Variants in NOC2L observed in about 807,000 individuals in gnomAD.
NOC2L encodes NOC2 like nucleolar associated transcriptional repressor, also known as nucleolar complex protein 2 homolog.
NOC2L carries 101 observed loss-of-function variants against 94.2 expected under a neutral mutation model. The ratio of observed to expected loss-of-function variants is 1.07; its 90% CI spans 0.91 to 1.26. The LOEUF (loss-of-function observed/expected upper bound fraction) is 1.26. NOC2L is among the 50% of genes most tolerant of loss of function. The pLI, the probability that NOC2L is intolerant of heterozygous loss-of-function variation, is 0.00. For synonymous variants in NOC2L, 531 were observed against 413.4 expected (o/e 1.28, Z -3.45); for missense variants, 1,076 against 980.1 (o/e 1.10, Z -1.31).
At position 944,892 on chromosome 1, in the gene NOC2L, A is replaced by G. The variant is rs932789828; in HGVS notation, c.2144-92T>C. ...TCATCACTAATTAATCACGGCACTA[A>G]TTAATTTATCCCTGTTGCTGGCTGC... On this transcript the variant is annotated intron_variant, in intron 18 of 18. Coordinates refer to ENST00000327044, the MANE Select transcript of NOC2L (RefSeq NM_015658.4). The G allele has an allele frequency of 6.7e-6, 9 of 1,347,804 alleles. No individual in the cohort carries two copies. The African/African-American group carries it at 1.2e-4, about 17-fold the overall frequency. The allele number at this position is 1,347,804 out of a possible 1,614,324, so 83.5% of individuals were successfully genotyped here. A position where few individuals can be genotyped will look rare whatever the true frequency, so the allele number is the denominator to read the frequency against.
At chr1:955,330 G>A (rs1261900951) in intron 6 of NOC2L, among the ~76,000 whole-genome samples, 6 of 152,216 alleles carry the variant, frequency 3.9e-5, no homozygotes, top group Non-Finnish European at 8.8e-5. Flanking sequence ...GGTGTCCTGG[G>A]GCAGTTCCAA....
intron 2 of NOC2L, chr1:958,565 A>T: frequency 2.2e-6 from 1 of 453,668 alleles, no homozygotes; most frequent in Non-Finnish European, 4.3e-6. Flanking sequence ...TCCTTCTAAC[A>T]GAGCAACTCG....
intron 16 of NOC2L, among the ~76,000 whole-genome samples, 189 bp from the exon 17 acceptor site, chr1:945,842 C>A (rs1642092134): frequency 6.6e-6 from 1 of 152,240 alleles, no homozygotes; most frequent in African/African-American, 2.4e-5. Context: ...AGAGCCCTTC[C>A]TGCTTCTCCT....
intron 12 of NOC2L, 125 bp from the exon 13 acceptor site, chr1:948,728 T>TCCCCCTGGTCCCTTTGG: frequency 1.5e-6 from 1 of 665,856 alleles, no homozygotes. Flanking sequence ...GTCACCCTGG[T>TCCCCCTGGTCCCTTTGG]CCTCAGGCTT....
At chr1:945,378 C>T in intron 17 of NOC2L, 140 bp downstream of exon 17, 1 of 1,111,302 alleles carries the variant, frequency 9.0e-7, no homozygotes, top group Admixed American at 2.6e-5. Context: ...AGAAGCCTGG[C>T]AACACTGAGG....
chr1:953,919 C>G, intron 7 of NOC2L, 27 bp from the exon 8 acceptor site: 1 of 1,610,530 alleles, frequency 6.2e-7, no homozygotes, highest in Non-Finnish European at 8.5e-7. Context: ...ACAGTGAAGC[C>G]CCAAACCCAT....
chr1:956,931 G>A lies in NOC2L; in HGVS notation c.449C>T (p.Thr150Ile), dbSNP rs1171558420. Residue 150 changes from threonine (T) to isoleucine (I), a missense_variant, in exon 4 of 19, where the codon ACC becomes ATC. Physicochemically the swap from Thr to Ile is moderately conservative, Grantham distance 89. Transcript: ENST00000327044. ...LKGKKNSVPV[T>I]VAMVERWKQA... ...CTTCCATCTCTCAACCATGGCGACG[G>A]TCACAGGAACAGAATTCTTCTTCCC... 6.2e-6 allele frequency: 10 copies of A among 1,613,988 alleles called. No homozygotes were observed. Among genetic ancestry groups the A allele is most frequent in the South Asian group, 1.1e-5 (1 of 91,088 alleles).
In NOC2L at chr1:945,569, A is replaced by G; in HGVS notation, c.2002T>C (p.Phe668Leu). 1.9e-6 allele frequency: 3 copies of G among 1,614,118 alleles called. No homozygotes were observed. Among genetic ancestry groups the G allele is most frequent in the East Asian group, 2.2e-5 (1 of 44,878 alleles). The change falls in exon 17 of 19, where the codon TTT (phenylalanine) becomes CTT (leucine). Residue 668 changes from phenylalanine (F) to leucine (L), a missense_variant. Phe to Leu is a conservative substitution (Grantham distance 22). Around this residue, in one of 3 missense-constraint regions of NOC2L, gnomAD observed 615 missense variants for 577.4 expected, o/e 1.07. Coordinates refer to ENST00000327044, the MANE Select transcript of NOC2L (RefSeq NM_015658.4). ...DEDRKQFKDLFDLNSSEEDDT... is the reference protein window; with the variant it reads ...DEDRKQFKDLLDLNSSEEDDT... ...TCCTCTTCAGAGCTGTTCAGGTCAA[A>G]GAGGTCTTTAAATTGCTTCCTGTCC...
rs1642328115 is a variant in NOC2L, at chr1:953,883, A to G, written c.787T>C (p.Cys263Arg). The G allele has an allele frequency of 6.2e-7, 1 of 1,613,188 alleles. No individual in the cohort carries two copies. Among genetic ancestry groups the G allele is most frequent in the Non-Finnish European group, 8.5e-7 (1 of 1,179,950 alleles). Reference protein sequence around the residue: ...YLGSAIQLVSCLSETTVLAAV... With the variant: ...YLGSAIQLVSRLSETTVLAAV... ...GCCAACACCGTCGTCTCCGACAGACAGGACACCAGCTGGGGGCAGGAGGGG... is the reference window on the plus strand; with the variant it reads ...GCCAACACCGTCGTCTCCGACAGACGGGACACCAGCTGGGGGCAGGAGGGG... Residue 263 changes from cysteine to arginine, a missense_variant, in exon 8 of 19, where the codon TGT becomes CGT. Around this residue, in one of 3 missense-constraint regions of NOC2L, gnomAD observed 457 missense variants for 386.0 expected, o/e 1.18. Transcript: ENST00000327044.
intron 2 of NOC2L, chr1:957,570 C>A (rs1208535198): frequency 2.7e-6 from 1 of 376,178 alleles, no homozygotes; most frequent in East Asian, 4.7e-5. Context: ...GTGCCCTGCG[C>A]TACTTTTGCC....
intron 11 of NOC2L, among the ~76,000 whole-genome samples, chr1:951,519 C>T (rs1359877629): frequency 6.6e-6 from 1 of 152,214 alleles, no homozygotes; most frequent in Non-Finnish European, 1.5e-5. Flanking sequence ...GGACTTCCCA[C>T]CTCCCTTCCC....
chr1:946,263 C>G lies in NOC2L; in HGVS notation c.1827G>C (p.Arg609=). ...QAVEAWEKLT[R]EEGTPLTLYY... ...ACAAGGTCAGGGGTGTCCCCTCTTCCCGGGTCAGCTTCTCCCAGGCTTCCT... is the reference window on the plus strand; with the variant it reads ...ACAAGGTCAGGGGTGTCCCCTCTTCGCGGGTCAGCTTCTCCCAGGCTTCCT... Residue 609 remains arginine (R), a synonymous_variant, in exon 16 of 19, where the codon CGG becomes CGC. Transcript: ENST00000327044. 5.6e-6 allele frequency: 9 copies of G among 1,613,738 alleles called. No homozygotes were observed. The highest frequency in any genetic ancestry group is 7.6e-6 in the Non-Finnish European group (9 of 1,179,806).
rs941607661 is a variant in NOC2L, at chr1:956,804, C to G, written c.486+90G>C. 8.3e-6 allele frequency: 13 copies of G among 1,566,186 alleles called. No individual in the cohort carries two copies. In the African/African-American group the frequency reaches 1.6e-4, roughly 19 times the overall value. On this transcript the variant is annotated intron_variant, in intron 4 of 18. Coordinates refer to ENST00000327044, the MANE Select transcript of NOC2L (RefSeq NM_015658.4). The stretch of plus-strand genomic sequence containing the variant: ...GCCAGATCTCTGCCTGGGCACCCAG[C>G]TGCCCGCCCCTCGCTGCTGCTCACC...
chr1:946,638 G>T (rs1642126423), intron 14 of NOC2L, 93 bp from the exon 15 acceptor site: 3 of 1,469,752 alleles, frequency 2.0e-6, no homozygotes, highest in Non-Finnish European at 2.8e-6. Context: ...TGGTGGCCAC[G>T]GGGATACCCC....
At chr1:949,316 C>A (rs901296035) in intron 12 of NOC2L, among the ~76,000 whole-genome samples, 1 of 152,290 alleles carries the variant, frequency 6.6e-6, no homozygotes, top group Admixed American at 6.5e-5. Context: ...GTGGAGGCCC[C>A]AGCAAGACAC....
At position 958,884 on chromosome 1, in the gene NOC2L, G is replaced by C. The variant is rs756484029; in HGVS notation, c.179+45C>G. The C allele has an allele frequency of 3.7e-6, 6 of 1,610,148 alleles. No individual in the cohort carries two copies. The South Asian group carries it at 6.6e-5, about 18-fold the overall frequency. ...CGAGGTCAGCAACCCAACCGGGGTG[G>C]GACAGGACGAGCAAGAGGTTCTGCT... On this transcript the variant is annotated intron_variant, in intron 2 of 18. Coordinates refer to ENST00000327044, the MANE Select transcript of NOC2L (RefSeq NM_015658.4).
Position 945,155 on chromosome 1 carries a change from C to T in NOC2L, c.2054-9G>A, listed in dbSNP as rs756297725. 4 of 1,592,800 alleles carry T rather than the reference C, an allele frequency of 2.5e-6. No individual in the cohort carries two copies. The highest frequency in any genetic ancestry group is 3.4e-6 in the Non-Finnish European group (4 of 1,169,396). On this transcript the variant is annotated splice_polypyrimidine_tract_variant and intron_variant, in intron 17 of 18. Transcript: ENST00000327044. ...CAGGGGCCTCAGTATCCCTGAGGAACAAGAAGCAGAGTCCATATGACTCCC... is the reference window on the plus strand; with the variant it reads ...CAGGGGCCTCAGTATCCCTGAGGAATAAGAAGCAGAGTCCATATGACTCCC...
Position 944,488 on chromosome 1 carries a change from T to A in NOC2L, c.*206A>T, listed in dbSNP as rs1642027785. On this transcript the variant is annotated 3_prime_UTR_variant, in exon 19 of 19. Coordinates refer to ENST00000327044, the MANE Select transcript of NOC2L (RefSeq NM_015658.4). ...AGCTGACTTCAGCAGCCCACAGCTG[T>A]GGGGCTTCAGCAGCCACACCAGCCC... 1 of 676,608 alleles carries A rather than the reference T, an allele frequency of 1.5e-6. No homozygotes were observed. The highest frequency in any genetic ancestry group is 2.4e-6 in the Non-Finnish European group (1 of 423,162). 41.9% of individuals were successfully genotyped at this position (676,608 alleles called of 1,614,324 possible). A position where few individuals can be genotyped will look rare whatever the true frequency, so the allele number is the denominator to read the frequency against.
Position 944,387 on chromosome 1 carries a change from G to T in NOC2L, c.*307C>A. 1 of 1,316,402 alleles carries T rather than the reference G, an allele frequency of 7.6e-7. No individual in the cohort carries two copies. Among genetic ancestry groups the T allele is most frequent in the Non-Finnish European group, 9.8e-7 (1 of 1,021,656 alleles). The allele number at this position is 1,316,402 out of a possible 1,614,324, so 81.5% of individuals were successfully genotyped here. A position where few individuals can be genotyped will look rare whatever the true frequency, so the allele number is the denominator to read the frequency against. Reference sequence around the variant, plus strand: ...ACGGAGGGCAGAGGTGGTGGAAGGGGCCAGGGGCCTGCAGGCCTCCCCCTG... The same window carrying T: ...ACGGAGGGCAGAGGTGGTGGAAGGGTCCAGGGGCCTGCAGGCCTCCCCCTG... On this transcript the variant is annotated 3_prime_UTR_variant, in exon 19 of 19. Transcript: ENST00000327044.
Sources: allele counts gnomAD v4.1 joint callset (sites outside exome capture counted in the v4.1 genomes callset), GRCh38; gene constraint gnomAD v4.1.1; regional missense constraint gnomAD v4.1.1; transcripts MANE v1.5; gene names NCBI Gene and HGNC (gene_info 2026-07-23, HGNC 2026-07-21).